Variants in PIGZ observed in about 807,000 individuals in gnomAD.
PIGZ encodes the protein GPI alpha-1,2-mannosyltransferase 4.
In PIGZ, 16 loss-of-function variants were observed where a neutral mutation model predicts 16.4. The ratio of observed to expected loss-of-function variants is 0.97; its 90% CI spans 0.66 to 1.48. The LOEUF is 1.48. Among genes scored for constraint, PIGZ ranks in the 40% most tolerant of loss-of-function variants. The pLI is 0.00. For synonymous variants in PIGZ, 409 were observed against 338.4 expected, an observed-to-expected ratio of 1.21 and a Z score of -2.29; for missense variants, 770 against 739.2, an observed-to-expected ratio of 1.04 and a Z score of -0.48.
chr3:196,947,159 A>AG lies in PIGZ; in HGVS notation c.1737dup (p.Ter580LeufsTer4). On this transcript the variant is annotated frameshift_variant, in exon 3 of 3. Coordinates refer to ENST00000412723, the MANE Select transcript of PIGZ (RefSeq NM_025163.4). LOFTEE classifies it high-confidence loss of function. ...GCAGTGGGTGCTCTGTCATATTGTC[A>AG]GGTTTCTTCCCCCAGCTCCACAATG... The AG allele has an allele frequency of 6.5e-7, 1 of 1,544,746 alleles. No individual in the cohort carries two copies. The highest frequency in any genetic ancestry group is 8.7e-7 in the Non-Finnish European group (1 of 1,144,398).
intron 2 of PIGZ, among the ~76,000 whole-genome samples, chr3:196,949,043 CTTCCCTTCCCT>C (rs1717149805): frequency 1.9e-5 from 1 of 53,114 alleles, no homozygotes; most frequent in African/African-American, 1.1e-4. Context: ...CCCTTCCTTC[CTTCCCTTCCCT>C]TCCTTCCCCT....
chr3:196,960,737 G>GAGAAAGAAAGAAAGAAAGAAAGAA (rs377421215), intron 1 of PIGZ, among the ~76,000 whole-genome samples: 18,066 of 140,066 alleles, frequency 0.13, 1,395 homozygotes, highest in Middle Eastern at 0.19. Context: ...AAGAAAGAAA[G>GAGAAAGAAAGAAAGAAAGAAAGAA]AGAAAGAAAG....
At position 196,948,496 on chromosome 3, in the gene PIGZ, G is replaced by C; in HGVS notation, c.401C>G (p.Thr134Ser). 1 of 1,613,372 alleles carries C rather than the reference G, an allele frequency of 6.2e-7. No homozygotes were observed. The change falls in exon 3 of 3, where the codon ACT becomes AGT. Residue 134 changes from threonine (T) to serine (S), a missense_variant. Transcript: ENST00000412723. ...ALLVGPRLLL[T>S]ALSFALDGAV... The stretch of plus-strand genomic sequence containing the variant: ...CCCGTCCAGAGCAAAGGAAAGGGCA[G>C]TGAGGAGGAGTCGAGGCCCCACCAG...
chr3:196,953,814 G>A (rs1717379375), intron 1 of PIGZ, among the ~76,000 whole-genome samples: 1 of 147,820 alleles, frequency 6.8e-6, no homozygotes. Context: ...AGCCTGGGCA[G>A]CAAAGTGAGA....
intron 2 of PIGZ, among the ~76,000 whole-genome samples, chr3:196,949,587 G>C (rs1017220240): frequency 6.6e-6 from 1 of 152,250 alleles, no homozygotes; most frequent in Admixed American, 6.5e-5. Context: ...TGTGAGCAGA[G>C]AGCCCGTGCT....
At chr3:196,952,110 C>T in intron 1 of PIGZ, 79 bp from the exon 2 acceptor site, 1 of 1,299,846 alleles carries the variant, frequency 7.7e-7, no homozygotes. Flanking sequence ...GAAAATGGAT[C>T]TGTCATTTAA....
chr3:196,947,369 C>G lies in PIGZ; in HGVS notation c.1528G>C (p.Val510Leu). 6.2e-7 allele frequency: 1 copy of G among 1,614,180 alleles called. No individual in the cohort carries two copies. The highest frequency in any genetic ancestry group is 8.5e-7 in the Non-Finnish European group (1 of 1,180,040). ...KSFTRQPACQ[V>L]AGGPWLCRLF... Reference sequence around the variant, plus strand: ...CGGCAGAGCCATGGCCCACCAGCCACTTGGCAGGCTGGTTGTCTGGTGAAG... The same window carrying G: ...CGGCAGAGCCATGGCCCACCAGCCAGTTGGCAGGCTGGTTGTCTGGTGAAG... The change falls in exon 3 of 3, where the codon GTG becomes CTG. Residue 510 changes from valine to leucine, a missense_variant. Coordinates refer to ENST00000412723, the MANE Select transcript of PIGZ (RefSeq NM_025163.4).
chr3:196,950,287 TG>T (rs1052566796), intron 2 of PIGZ, among the ~76,000 whole-genome samples: 2 of 150,582 alleles, frequency 1.3e-5, no homozygotes, highest in African/African-American at 5.0e-5. Flanking sequence ...ACCCTGCCTA[TG>T]ATACTTAAAT....
intron 2 of PIGZ, 25 bp downstream of exon 2, chr3:196,951,796 C>G (rs915187129): frequency 1.1e-5 from 18 of 1,612,242 alleles, no homozygotes; most frequent in Non-Finnish European, 1.4e-5. Flanking sequence ...TGCAGCTTGT[C>G]TCAGCCACAC....
Position 196,948,087 on chromosome 3 carries a change from C to T in PIGZ, c.810G>A (p.Ala270=), listed in dbSNP as rs778334188. 30 of 1,590,134 alleles carry T rather than the reference C, an allele frequency of 1.9e-5. No individual in the cohort carries two copies. Among genetic ancestry groups the T allele is most frequent in the African/African-American group, 9.4e-5 (7 of 74,406 alleles). The change falls in exon 3 of 3, where the codon GCG becomes GCA. Residue 270 remains alanine, a synonymous_variant. Coordinates refer to ENST00000412723, the MANE Select transcript of PIGZ (RefSeq NM_025163.4). ...VLLPGAALTA[A]VFVATDSWYF... ...ACCAGCTGTCCGTGGCCACAAACAC[C>T]GCTGCTGTGAGGGCTGCCCCAGGGA...
chr3:196,948,878 TCCC>T (rs1717085946), intron 2 of PIGZ, among the ~76,000 whole-genome samples, 193 bp from the exon 3 acceptor site: 4 of 20,086 alleles, frequency 2.0e-4, no homozygotes, highest in South Asian at 1.3e-3. Context: ...CTTCCTTCCT[TCCC>T]TTCCTTCCCC....
At position 196,948,136 on chromosome 3, in the gene PIGZ, AG is replaced by A. The variant is rs2108895735; in HGVS notation, c.760del (p.Leu254Ter). 1 of 1,606,464 alleles carries A rather than the reference AG, an allele frequency of 6.2e-7. No homozygotes were observed. The highest frequency in any genetic ancestry group is 2.2e-5 in the East Asian group (1 of 44,738). On this transcript the variant is annotated frameshift_variant, in exon 3 of 3. Transcript: ENST00000412723. LOFTEE classifies it low-confidence loss of function (END_TRUNC). ...RGATNPGLKS[L>X]TREALVLLPG... ...GAGCAGCACCAGGGCCTCCCGGGTC[AG>A]AGACTTCAAACCAGGGTTTGTGGCT...
chr3:196,959,812 T>C (rs1717637535), intron 1 of PIGZ, among the ~76,000 whole-genome samples: 1 of 152,216 alleles, frequency 6.6e-6, no homozygotes, highest in African/African-American at 2.4e-5. Flanking sequence ...GCAGGGATCC[T>C]TCCACTATTC....
intron 2 of PIGZ, among the ~76,000 whole-genome samples, chr3:196,949,109 G>A (rs926061119): frequency 1.4e-5 from 2 of 143,372 alleles, no homozygotes; most frequent in Admixed American, 1.5e-4. Flanking sequence ...GAGTGCGGTG[G>A]CGAGATCACA....
chr3:196,951,734 A>G (rs1717289843), intron 2 of PIGZ, 87 bp downstream of exon 2: 5 of 1,292,454 alleles, frequency 3.9e-6, no homozygotes, highest in Non-Finnish European at 5.5e-6. Context: ...CTACCCAGAC[A>G]TGCTACTCCC....
Position 196,948,286 on chromosome 3 carries a change from T to A in PIGZ, c.611A>T (p.Glu204Val), listed in dbSNP as rs1446506362. The change falls in exon 3 of 3, where the codon GAG becomes GTG. Residue 204 changes from glutamate to valine, a missense_variant. Coordinates refer to ENST00000412723, the MANE Select transcript of PIGZ (RefSeq NM_025163.4). ...GCGCCACCGTGGACCCGGCGCCGGC[T>A]CCTTGCGTGTAGGGCCCCACGTTAC... is the stretch of plus-strand genomic sequence containing the variant. ...SHVTWGPTRK[E>V]PAPGPRWRSW... is the part of the protein sequence containing the mutation. 2.5e-6 allele frequency: 4 copies of A among 1,613,930 alleles called. No homozygotes were observed. In the Admixed American group the frequency reaches 5.0e-5, roughly 20 times the overall value.
At position 196,948,283 on chromosome 3, in the gene PIGZ, GGCTCCTTGC is replaced by G. The variant is rs1717022502; in HGVS notation, c.605_613del (p.Arg202_Glu204del). On this transcript the variant is annotated inframe_deletion, in exon 3 of 3. Coordinates refer to ENST00000412723, the MANE Select transcript of PIGZ (RefSeq NM_025163.4). Reference sequence around the variant, plus strand: ...GCTGCGCCACCGTGGACCCGGCGCCGGCTCCTTGCGTGTAGGGCCCCACGTTACATGGGA... The same window carrying G: ...GCTGCGCCACCGTGGACCCGGCGCCGGTGTAGGGCCCCACGTTACATGGGA... 6.2e-7 allele frequency: 1 copy of G among 1,614,100 alleles called. No homozygotes were observed. Among genetic ancestry groups the G allele is most frequent in the Non-Finnish European group, 8.5e-7 (1 of 1,180,016 alleles).
intron 2 of PIGZ, among the ~76,000 whole-genome samples, chr3:196,951,224 T>C (rs928970694): frequency 6.6e-6 from 1 of 152,188 alleles, no homozygotes; most frequent in Non-Finnish European, 1.5e-5. Context: ...CTTTGTTGGC[T>C]GGAAAGACTG....
chr3:196,955,568 CTTTCTTTCTTTTTTTTT>C (rs1717448369), intron 1 of PIGZ, among the ~76,000 whole-genome samples: 1 of 109,532 alleles, frequency 9.1e-6, no homozygotes, highest in East Asian at 3.8e-4. Flanking sequence ...CTTTTCTTTT[CTTTCTTTCTTTTTTTTT>C]TTTTTTTTTT....
Sources: allele counts gnomAD v4.1 joint callset (sites outside exome capture counted in the v4.1 genomes callset), GRCh38; gene constraint gnomAD v4.1.1; transcripts MANE v1.5; gene names NCBI Gene and HGNC (gene_info 2026-07-23, HGNC 2026-07-21).